The following PCDH9 variants were observed in gnomAD, a reference collection of about 807,000 sequenced individuals.
PCDH9 encodes the protein protocadherin 9, also known as protocadherin-9.
In PCDH9, 24 loss-of-function variants were observed where a neutral mutation model predicts 70.6. The observed-to-expected ratio is 0.34, with a 90% CI of 0.25 to 0.48. The LOEUF is 0.48. Ranked by LOEUF, PCDH9 falls within the 20% of genes least tolerant of loss-of-function variation. The pLI is 0.99. For missense variants in PCDH9, 1,281 were observed against 1,503.6 expected, an observed-to-expected ratio of 0.85 and a Z score of 2.45; for synonymous variants, 562 against 558.5, an observed-to-expected ratio of 1.01 and a Z score of -0.09.
At chr13:67,060,792 A>T (rs1242092798) in intron 2 of PCDH9, among the ~76,000 whole-genome samples, 1 of 152,194 alleles carries the variant, frequency 6.6e-6, no homozygotes, top group East Asian at 1.9e-4. Flanking sequence ...TTCCTAGGTG[A>T]TGTGAACTGG....
intron 3 of PCDH9, among the ~76,000 whole-genome samples, chr13:66,733,412 AT>A (rs2079102404): frequency 1.3e-5 from 2 of 152,170 alleles, no homozygotes; most frequent in South Asian, 4.1e-4. Context: ...CACACTAATT[AT>A]TTTTGATGGA....
intron 4 of PCDH9, among the ~76,000 whole-genome samples, chr13:66,311,697 G>A (rs1242813305): frequency 6.6e-6 from 1 of 152,050 alleles, no homozygotes; most frequent in East Asian, 1.9e-4. Flanking sequence ...TTTGGAGACT[G>A]CATTACTATT....
At chr13:66,918,722 C>T (rs571616559) in intron 2 of PCDH9, among the ~76,000 whole-genome samples, 1 of 151,294 alleles carries the variant, frequency 6.6e-6, no homozygotes, top group South Asian at 2.1e-4. Context: ...CCCCACATAT[C>T]AAATGCATTT....
intron 4 of PCDH9, among the ~76,000 whole-genome samples, chr13:66,473,638 T>A (rs142392742): frequency 2.6e-4 from 40 of 152,298 alleles, no homozygotes; most frequent in African/African-American, 9.4e-4. Flanking sequence ...CAGGATCACT[T>A]TGTATGTGTC....
intron 2 of PCDH9, among the ~76,000 whole-genome samples, chr13:66,947,110 G>C (rs1262611976): frequency 1.3e-5 from 2 of 152,150 alleles, no homozygotes; most frequent in South Asian, 4.1e-4. Flanking sequence ...TCTCTTTGAG[G>C]TGTAGCTGGT....
At chr13:67,004,850 T>C (rs1225989159) in intron 2 of PCDH9, among the ~76,000 whole-genome samples, 1 of 152,088 alleles carries the variant, frequency 6.6e-6, no homozygotes, top group African/African-American at 2.4e-5. Context: ...CTCTTGTTAC[T>C]CCTGACAAAT....
At chr13:66,386,263 C>T (rs1743915828) in intron 4 of PCDH9, among the ~76,000 whole-genome samples, 1 of 152,032 alleles carries the variant, frequency 6.6e-6, no homozygotes, top group Non-Finnish European at 1.5e-5. Context: ...AATATAAAAT[C>T]CTGTGAAATG....
chr13:66,341,694 G>A (rs546390418), intron 4 of PCDH9, among the ~76,000 whole-genome samples: 4 of 152,174 alleles, frequency 2.6e-5, no homozygotes, highest in African/African-American at 9.6e-5. Context: ...TGTATTCTGG[G>A]GTATAAGGTG....
chr13:66,754,452 T>G (rs1468664478), intron 3 of PCDH9, among the ~76,000 whole-genome samples: 3 of 147,752 alleles, frequency 2.0e-5, no homozygotes, highest in East Asian at 2.0e-4. Context: ...AAGAGGGAGG[T>G]GTGTGTGTGT....
intron 3 of PCDH9, among the ~76,000 whole-genome samples, chr13:66,719,631 G>T (rs2078915610): frequency 6.6e-6 from 1 of 152,186 alleles, no homozygotes; most frequent in Non-Finnish European, 1.5e-5. Context: ...ATAGTAGCCT[G>T]ATTGGACCAG....
At chr13:66,770,807 G>A (rs923896417) in intron 3 of PCDH9, among the ~76,000 whole-genome samples, 5 of 152,110 alleles carry the variant, frequency 3.3e-5, no homozygotes, top group African/African-American at 1.2e-4. Context: ...CCACATTTTT[G>A]TCTCTTCAAG....
Position 66,622,308 on chromosome 13 carries a change from G to A in PCDH9, c.3340+8902C>T, listed in dbSNP as rs372411135. ...CTGCTCCACGGCGCCCAGTCCCATC[G>A]ACCACCCAAGGGCTGAGGAGTACAG... is the stretch of plus-strand genomic sequence containing the variant. On this transcript the variant is annotated intron_variant, in intron 4 of 4. Coordinates refer to ENST00000377865, the MANE Select transcript of PCDH9 (RefSeq NM_203487.3). Among the ~76,000 whole-genome samples, 299 of 152,264 alleles carry A rather than the reference G, an allele frequency of 2.0e-3. 14 individuals carry two copies. The South Asian group carries it at 0.059, about 30-fold the overall frequency.
intron 2 of PCDH9, chr13:66,978,549 T>C (rs1468981480): frequency 6.6e-6 from 1 of 151,726 alleles, no homozygotes; most frequent in Non-Finnish European, 1.5e-5. Flanking sequence ...ATTTTAGTTT[T>C]TCTACATAGA....
chr13:66,325,637 G>T (rs1434525686), intron 4 of PCDH9, among the ~76,000 whole-genome samples: 1 of 151,986 alleles, frequency 6.6e-6, no homozygotes. Flanking sequence ...AAGAATGATC[G>T]TGTGCACTTG....
intron 2 of PCDH9, among the ~76,000 whole-genome samples, chr13:66,915,984 G>C (rs886734678): frequency 1.3e-5 from 2 of 151,568 alleles, no homozygotes; most frequent in African/African-American, 4.8e-5. Flanking sequence ...ATATCTGGTA[G>C]ACTCATGGAG....
chr13:66,464,568 G>A (rs942674832), intron 4 of PCDH9, among the ~76,000 whole-genome samples: 1 of 151,936 alleles, frequency 6.6e-6, no homozygotes, highest in African/African-American at 2.4e-5. Context: ...ACCTGAAGCA[G>A]CCCAACTCTA....
chr13:66,999,436 T>C (rs537622976), intron 2 of PCDH9, among the ~76,000 whole-genome samples: 2 of 152,272 alleles, frequency 1.3e-5, no homozygotes, highest in South Asian at 4.1e-4. Flanking sequence ...TAATTAGTTT[T>C]TATACCATTA....
At chr13:67,032,677 A>G (rs914449500) in intron 2 of PCDH9, among the ~76,000 whole-genome samples, 1 of 152,214 alleles carries the variant, frequency 6.6e-6, no homozygotes, top group Non-Finnish European at 1.5e-5. Context: ...ACAAATGTCC[A>G]TGCTATTTAT....
intron 2 of PCDH9, among the ~76,000 whole-genome samples, chr13:67,117,530 A>C (rs1478903103): frequency 6.6e-6 from 1 of 152,174 alleles, no homozygotes; most frequent in Non-Finnish European, 1.5e-5. Context: ...ATGAAAAATG[A>C]GAAACACGGA....
Sources: allele counts gnomAD v4.1 joint callset (sites outside exome capture counted in the v4.1 genomes callset), GRCh38; gene constraint gnomAD v4.1.1; transcripts MANE v1.5; gene names NCBI Gene and HGNC (gene_info 2026-07-23, HGNC 2026-07-21).